HYCC2: variants seen among roughly 807,000 people sequenced by gnomAD.
The protein encoded by HYCC2 is hyccin PI4KA lipid kinase complex subunit 2, also known as hyccin 2.
chr2:200,992,488 C>A, the HYCC2 span: 1 of 720,590 alleles, frequency 1.4e-6, no homozygotes, highest in East Asian at 2.5e-5. Context: ...CCAAGTGTTA[C>A]GTCATTTCAT....
the HYCC2 span, chr2:201,023,999 G>A: frequency 1.2e-6 from 2 of 1,613,136 alleles, no homozygotes; most frequent in Non-Finnish European, 1.7e-6. Context: ...ACAACGGTCA[G>A]TTCCCAGCAT....
chr2:201,037,727 A>C, the HYCC2 span, among the ~76,000 whole-genome samples: 1 of 152,252 alleles, frequency 6.6e-6, no homozygotes, highest in Non-Finnish European at 1.5e-5. Flanking sequence ...CTTATACCTT[A>C]TACAAAAATT....
chr2:201,020,370 A>C, the HYCC2 span, among the ~76,000 whole-genome samples: 1 of 152,088 alleles, frequency 6.6e-6, no homozygotes, highest in Non-Finnish European at 1.5e-5. Flanking sequence ...AACAAGCCTA[A>C]CTTGAGTGGG....
chr2:201,044,733 T>C, the HYCC2 span, among the ~76,000 whole-genome samples: 4 of 152,194 alleles, frequency 2.6e-5, no homozygotes, highest in African/African-American at 9.6e-5. Flanking sequence ...AGAAATATTA[T>C]CAATATAATT....
At chr2:201,042,734 G>A in the HYCC2 span, among the ~76,000 whole-genome samples, 6 of 151,034 alleles carry the variant, frequency 4.0e-5, no homozygotes, top group South Asian at 4.2e-4. Flanking sequence ...CGCCCCGTCC[G>A]GGAGGTGGGG....
At chr2:201,040,646 G>A in the HYCC2 span, among the ~76,000 whole-genome samples, 366 of 151,726 alleles carry the variant, frequency 2.4e-3, 1 homozygote, top group African/African-American at 8.0e-3. Context: ...CACCATATCC[G>A]GCTAATTTTT....
At chr2:201,007,824 AT>A in the HYCC2 span, among the ~76,000 whole-genome samples, 446 of 152,336 alleles carry the variant, frequency 2.9e-3, 4 homozygotes, top group African/African-American at 0.01. Flanking sequence ...TCATGCCTAC[AT>A]AATGATGCCT....
At chr2:201,059,159 G>C in the HYCC2 span, among the ~76,000 whole-genome samples, 1 of 152,184 alleles carries the variant, frequency 6.6e-6, no homozygotes, top group African/African-American at 2.4e-5. Context: ...GGTCTCCTGA[G>C]TCTCCAGCTT....
the HYCC2 span, among the ~76,000 whole-genome samples, chr2:201,030,073 T>G: frequency 6.6e-6 from 1 of 152,100 alleles, no homozygotes; most frequent in African/African-American, 2.4e-5. Flanking sequence ...AGCAACACAG[T>G]GAGACCCCGT....
chr2:200,987,990 T>A, the HYCC2 span, among the ~76,000 whole-genome samples: 3 of 152,356 alleles, frequency 2.0e-5, no homozygotes, highest in African/African-American at 7.2e-5. Context: ...TTAAAGCAAC[T>A]TCTTTCCTAT....
the HYCC2 span, among the ~76,000 whole-genome samples, chr2:201,069,057 T>C: frequency 6.6e-6 from 1 of 152,214 alleles, no homozygotes; most frequent in African/African-American, 2.4e-5. Flanking sequence ...TGATAACTAG[T>C]TTTGAAACTT....
At chr2:201,029,732 G>C in the HYCC2 span, among the ~76,000 whole-genome samples, 5 of 152,080 alleles carry the variant, frequency 3.3e-5, no homozygotes, top group African/African-American at 1.2e-4. Context: ...TGAACAATGA[G>C]AACACTTGGA....
At chr2:201,024,672 A>C in the HYCC2 span, among the ~76,000 whole-genome samples, 1 of 152,162 alleles carries the variant, frequency 6.6e-6, no homozygotes, top group Admixed American at 6.5e-5. Context: ...ACCAGAACAA[A>C]CTACACATCA....
At chr2:201,033,614 C>T in the HYCC2 span, among the ~76,000 whole-genome samples, 3 of 151,836 alleles carry the variant, frequency 2.0e-5, no homozygotes, top group East Asian at 1.9e-4. Context: ...CCATGTTAGC[C>T]GGTATGGTCT....
the HYCC2 span, chr2:200,997,514 A>T: frequency 6.2e-7 from 1 of 1,613,366 alleles, no homozygotes. Context: ...ATTATAACAC[A>T]GCATGAGAAA....
the HYCC2 span, among the ~76,000 whole-genome samples, chr2:201,026,318 TC>T: frequency 6.6e-6 from 1 of 152,066 alleles, no homozygotes; most frequent in South Asian, 2.1e-4. Flanking sequence ...ATAAAGCAAG[TC>T]CTTAGAGGCC....
chr2:201,015,667 T>C, the HYCC2 span, among the ~76,000 whole-genome samples: 1 of 152,196 alleles, frequency 6.6e-6, no homozygotes, highest in Non-Finnish European at 1.5e-5. Context: ...CTAATTGCTT[T>C]AAAGAGAACC....
At chr2:201,014,156 T>C in the HYCC2 span, among the ~76,000 whole-genome samples, 2 of 152,228 alleles carry the variant, frequency 1.3e-5, no homozygotes, top group Admixed American at 6.5e-5. Flanking sequence ...AACATGACAC[T>C]TTGCAAAATG....
chr2:201,027,553 C>G, the HYCC2 span, among the ~76,000 whole-genome samples: 368 of 152,170 alleles, frequency 2.4e-3, 3 homozygotes, highest in African/African-American at 8.5e-3. Flanking sequence ...AACATCGATG[C>G]AAAAATCCTC....
Sources: allele counts gnomAD v4.1 joint callset (sites outside exome capture counted in the v4.1 genomes callset), GRCh38; gene constraint gnomAD v4.1.1; transcripts MANE v1.5; gene names NCBI Gene and HGNC (gene_info 2026-07-23, HGNC 2026-07-21).